Variants in ZFPM2 observed in about 807,000 individuals in gnomAD.
ZFPM2 encodes the protein zinc finger protein ZFPM2.
In ZFPM2, 20 loss-of-function variants were observed where a neutral mutation model predicts 98.6. The observed-to-expected ratio is 0.20, with a 90% CI of 0.14 to 0.29. The LOEUF is 0.29. Ranked by LOEUF, ZFPM2 falls within the 10% of genes least tolerant of loss-of-function variation. The pLI, the probability that ZFPM2 is intolerant of heterozygous loss-of-function variation, is 1.00. For missense variants in ZFPM2, 1,310 were observed against 1,388.6 expected (o/e 0.94, Z 0.90); for synonymous variants, 518 against 502.7 (o/e 1.03, Z -0.41).
intron 1 of ZFPM2, among the ~76,000 whole-genome samples, chr8:105,416,619 A>G (rs1158884977): frequency 6.6e-6 from 1 of 151,974 alleles, no homozygotes; most frequent in East Asian, 1.9e-4. Context: ...AGAAGTATAT[A>G]TTTCAAAAGA....
intron 4 of ZFPM2, among the ~76,000 whole-genome samples, chr8:105,617,030 A>G (rs1816433223): frequency 4.6e-5 from 3 of 65,786 alleles, no homozygotes; most frequent in African/African-American, 1.5e-4. Flanking sequence ...GAAAAAAAAA[A>G]AAAAAAAAAA....
At chr8:105,750,466 T>G (rs1812450496) in intron 5 of ZFPM2, among the ~76,000 whole-genome samples, 1 of 152,058 alleles carries the variant, frequency 6.6e-6, no homozygotes, top group African/African-American at 2.4e-5. Context: ...GGTTCTACGT[T>G]TTAAAATTAA....
intron 3 of ZFPM2, among the ~76,000 whole-genome samples, chr8:105,474,151 T>C (rs1479543694): frequency 1.3e-5 from 2 of 152,352 alleles, no homozygotes; most frequent in East Asian, 3.9e-4. Context: ...AAATCTAAGA[T>C]TTTTGTTTTT....
intron 4 of ZFPM2, among the ~76,000 whole-genome samples, chr8:105,621,376 T>G (rs183634108): frequency 2.7e-4 from 41 of 152,328 alleles, no homozygotes; most frequent in African/African-American, 9.9e-4. Flanking sequence ...ACACTGATTT[T>G]GTATCGTGAG....
At chr8:105,702,406 T>G (rs1445052718) in intron 5 of ZFPM2, among the ~76,000 whole-genome samples, 1 of 152,228 alleles carries the variant, frequency 6.6e-6, no homozygotes, top group Non-Finnish European at 1.5e-5. Flanking sequence ...CACAAATTGC[T>G]GTGTTGCATC....
chr8:105,686,976 C>T (rs1810751877), intron 5 of ZFPM2, among the ~76,000 whole-genome samples: 2 of 152,174 alleles, frequency 1.3e-5, no homozygotes, highest in African/African-American at 2.4e-5. Context: ...CTTCTACGCA[C>T]ACAGCTAGAC....
chr8:105,558,248 T>G (rs1563718619), intron 3 of ZFPM2, among the ~76,000 whole-genome samples: 1 of 152,240 alleles, frequency 6.6e-6, no homozygotes, highest in Non-Finnish European at 1.5e-5. Context: ...ATATACATGC[T>G]AATTATTTGC....
intron 6 of ZFPM2, chr8:105,796,992 T>TACTGACACAGAAGCTTGGGAGCAAAGC (rs1406746194): frequency 1.3e-5 from 2 of 151,942 alleles, no homozygotes; most frequent in Non-Finnish European, 2.9e-5. Flanking sequence ...ATGAAGCCAT[T>TACTGACACAGAAGCTTGGGAGCAAAGC]ACTGACACAG....
intron 1 of ZFPM2, among the ~76,000 whole-genome samples, chr8:105,386,917 C>G (rs769043057): frequency 1.3e-5 from 2 of 152,066 alleles, no homozygotes; most frequent in Non-Finnish European, 2.9e-5. Context: ...TCTCCACGTC[C>G]CCACCAGAGT....
At chr8:105,341,961 TTTGCTAGTA>T (rs1812438293) in intron 1 of ZFPM2, among the ~76,000 whole-genome samples, 1 of 152,010 alleles carries the variant, frequency 6.6e-6, no homozygotes, top group Non-Finnish European at 1.5e-5. Context: ...TGCCTGGGCA[TTTGCTAGTA>T]TTAGTGAATG....
In ZFPM2 at chr8:105,497,763, CT is replaced by C. The variant is rs555407253; in HGVS notation, c.301+53385del. ...GGTCGATAGGCGGTAGTGAGAAGAA[CT>C]TTGTGGGATGGAGCCATGTTTAGGA... On this transcript the variant is annotated intron_variant, in intron 3 of 7. Coordinates refer to ENST00000407775, the MANE Select transcript of ZFPM2 (RefSeq NM_012082.4). 2.1e-3 allele frequency among the ~76,000 whole-genome samples: 327 copies of C among 152,164 alleles called. 2 individuals carry two copies. Among genetic ancestry groups the C allele is most frequent in the African/African-American group, 7.6e-3 (316 of 41,516 alleles).
chr8:105,584,514 T>A (rs1192779586), intron 4 of ZFPM2, among the ~76,000 whole-genome samples: 1 of 152,050 alleles, frequency 6.6e-6, no homozygotes, highest in Non-Finnish European at 1.5e-5. Context: ...TTTGATGGAG[T>A]TAAATAAACT....
intron 5 of ZFPM2, among the ~76,000 whole-genome samples, chr8:105,736,870 A>G (rs1322116080): frequency 6.6e-6 from 1 of 152,110 alleles, no homozygotes; most frequent in Admixed American, 6.5e-5. Flanking sequence ...TAATATTTTA[A>G]TTAACACCAG....
intron 4 of ZFPM2, chr8:105,616,732 C>T: frequency 2.9e-6 from 1 of 343,438 alleles, no homozygotes; most frequent in South Asian, 2.4e-5. Flanking sequence ...AGATCCACAC[C>T]ATAGTTTGGG....
chr8:105,800,192 G>A (rs1179324235), intron 7 of ZFPM2, among the ~76,000 whole-genome samples: 3 of 152,154 alleles, frequency 2.0e-5, no homozygotes, highest in African/African-American at 7.2e-5. Flanking sequence ...CCTCTGCCAT[G>A]TTTTCAGCTT....
chr8:105,341,341 T>C (rs538272829), intron 1 of ZFPM2, among the ~76,000 whole-genome samples: 47 of 152,098 alleles, frequency 3.1e-4, no homozygotes, highest in African/African-American at 1.1e-3. Context: ...GACAATGACA[T>C]GATTCTGTCC....
chr8:105,644,404 T>C (rs960584416), intron 5 of ZFPM2, among the ~76,000 whole-genome samples: 8 of 151,758 alleles, frequency 5.3e-5, no homozygotes, highest in African/African-American at 1.2e-4. Flanking sequence ...CACTCGGCTC[T>C]CTATGACTTC....
chr8:105,544,909 G>A (rs530914926), intron 3 of ZFPM2, among the ~76,000 whole-genome samples: 1 of 152,214 alleles, frequency 6.6e-6, no homozygotes, highest in East Asian at 1.9e-4. Context: ...AATAAGCAAT[G>A]GTAAATACAT....
At position 105,379,968 on chromosome 8, in the gene ZFPM2, C is replaced by T. The variant is rs867939806; in HGVS notation, c.41-39176C>T. Among the ~76,000 whole-genome samples, 6 of 152,038 alleles carry T rather than the reference C, an allele frequency of 3.9e-5. 1 individual carries two copies. The South Asian group carries it at 1.2e-3, about 31-fold the overall frequency. On this transcript the variant is annotated intron_variant, in intron 1 of 7. Coordinates refer to ENST00000407775, the MANE Select transcript of ZFPM2 (RefSeq NM_012082.4). ...TCTTGATCTTATTCATTATTGTAGT[C>T]CTAAGTCCTGAGAGTGCCTGCGCAT...
Sources: gnomAD v4.1 joint callset for allele counts (sites outside exome capture counted in the v4.1 genomes callset) on GRCh38, gnomAD v4.1.1 for gene constraint, MANE v1.5 for transcripts, NCBI Gene and HGNC (gene_info 2026-07-23, HGNC 2026-07-21) for gene names.